TRIM5: variants seen among roughly 807,000 people sequenced by gnomAD.
The protein encoded by TRIM5 is tripartite motif-containing protein 5.
TRIM5 carries 31 observed loss-of-function variants against 35.6 expected under a neutral mutation model. The observed-to-expected ratio is 0.87, with a 90% CI of 0.65 to 1.18. The LOEUF is 1.18. TRIM5 is among the 50% of genes most tolerant of loss of function. TRIM5 has a pLI of 0.00. For synonymous variants in TRIM5, 243 were observed against 215.6 expected (o/e 1.13, Z -1.11); for missense variants, 609 against 591.6 (o/e 1.03, Z -0.31).
the TRIM5 span, among the ~76,000 whole-genome samples, chr11:5,652,903 G>A: frequency 1.3e-5 from 2 of 149,862 alleles, no homozygotes; most frequent in Admixed American, 6.7e-5. Context: ...CTAGGCTGGA[G>A]TGCAGTGGCG....
At chr11:5,609,309 A>T in the TRIM5 span, among the ~76,000 whole-genome samples, 6 of 152,238 alleles carry the variant, frequency 3.9e-5, no homozygotes, top group African/African-American at 1.2e-4. Flanking sequence ...GTGGCATAAC[A>T]TTCCCAGAGA....
the TRIM5 span, among the ~76,000 whole-genome samples, chr11:5,627,087 G>A: frequency 2.0e-5 from 3 of 152,040 alleles, no homozygotes; most frequent in South Asian, 6.2e-4. Flanking sequence ...AGTGAAGAAG[G>A]ACAGTGATGG....
chr11:5,665,958 G>C (rs757687253), intron 6 of TRIM5, 23 bp downstream of exon 6: 30 of 1,591,402 alleles, frequency 1.9e-5, no homozygotes, highest in Non-Finnish European at 2.5e-5. Flanking sequence ...CCATAACCCT[G>C]TTGTTGATCT....
chr11:5,593,582 G>A, the TRIM5 span, among the ~76,000 whole-genome samples: 1 of 152,010 alleles, frequency 6.6e-6, no homozygotes, highest in African/African-American at 2.4e-5. Context: ...CCCTTGTCAT[G>A]GTCCTGTTTG....
At chr11:5,617,959 C>T in the TRIM5 span, among the ~76,000 whole-genome samples, 1 of 142,112 alleles carries the variant, frequency 7.0e-6, no homozygotes, top group Non-Finnish European at 1.5e-5. Flanking sequence ...TCAGAGGCAA[C>T]ATTTTTATTC....
the TRIM5 span, chr11:5,641,140 G>T: frequency 6.2e-7 from 1 of 1,609,234 alleles, no homozygotes; most frequent in South Asian, 1.1e-5. Flanking sequence ...TATACACTTT[G>T]ACTCATGTTT....
At chr11:5,595,788 G>A in the TRIM5 span, among the ~76,000 whole-genome samples, 1 of 151,728 alleles carries the variant, frequency 6.6e-6, no homozygotes, top group Non-Finnish European at 1.5e-5. Context: ...CACCTCCCGG[G>A]TTCAAGCGAT....
At chr11:5,684,658 ATAGAG>A (rs1852875685) in intron 1 of TRIM5, among the ~76,000 whole-genome samples, 1 of 152,206 alleles carries the variant, frequency 6.6e-6, no homozygotes, top group Non-Finnish European at 1.5e-5. Flanking sequence ...ATTAAAAAGT[ATAGAG>A]TAGGGAGGGG....
chr11:5,610,043 G>T, the TRIM5 span: 20 of 1,210,290 alleles, frequency 1.7e-5, no homozygotes, highest in South Asian at 2.7e-4. Context: ...TATTCAGAAA[G>T]GAGGATTGGA....
At chr11:5,605,464 T>C in the TRIM5 span, 70 of 1,614,030 alleles carry the variant, frequency 4.3e-5, no homozygotes, top group Middle Eastern at 1.6e-4. Context: ...CTACGAATTA[T>C]AGAAGAGGCT....
chr11:5,646,546 C>A, the TRIM5 span, among the ~76,000 whole-genome samples: 12 of 152,292 alleles, frequency 7.9e-5, no homozygotes, highest in East Asian at 2.3e-3. Flanking sequence ...CATCTTTACA[C>A]GCTTGAAGCA....
chr11:5,678,727 C>G (rs1239500454), intron 3 of TRIM5, among the ~76,000 whole-genome samples: 1 of 152,162 alleles, frequency 6.6e-6, no homozygotes, highest in African/African-American at 2.4e-5. Flanking sequence ...CTTCTCAGCC[C>G]AAGCTCAAAC....
the TRIM5 span, chr11:5,655,783 A>T: frequency 4.0e-6 from 3 of 750,644 alleles, no homozygotes; most frequent in Non-Finnish European, 4.9e-6. Flanking sequence ...CATTTTAATT[A>T]ATTGTGTAAA....
chr11:5,593,074 T>C, the TRIM5 span, among the ~76,000 whole-genome samples: 1 of 152,086 alleles, frequency 6.6e-6, no homozygotes, highest in Admixed American at 6.6e-5. Flanking sequence ...AAAACAAAAT[T>C]GGTGGCTTGT....
chr11:5,642,404 A>G, the TRIM5 span: 2 of 1,612,212 alleles, frequency 1.2e-6, no homozygotes, highest in African/African-American at 1.3e-5. Context: ...TTTCATCCCT[A>G]GGAGTGAGAT....
At chr11:5,665,926 G>C in intron 6 of TRIM5, 55 bp downstream of exon 6, 1 of 1,514,516 alleles carries the variant, frequency 6.6e-7, no homozygotes, top group Non-Finnish European at 9.0e-7. Flanking sequence ...TCCCTATTTA[G>C]CACCCTAACA....
intron 4 of TRIM5, among the ~76,000 whole-genome samples, chr11:5,677,470 A>T (rs1014683090): frequency 6.6e-6 from 1 of 152,214 alleles, no homozygotes; most frequent in Non-Finnish European, 1.5e-5. Flanking sequence ...GCTGGAGAGG[A>T]TGTGGAGAAA....
chr11:5,619,688 A>ATTTTTTTTTTTT, the TRIM5 span: 7 of 66,028 alleles, frequency 1.1e-4, no homozygotes, highest in African/African-American at 3.6e-4. Flanking sequence ...CCTGTTTTAA[A>ATTTTTTTTTTTT]TTTTTTTTTT....
At chr11:5,589,316 G>A in the TRIM5 span, 2 of 151,860 alleles carry the variant, frequency 1.3e-5, no homozygotes, top group African/African-American at 4.8e-5. Context: ...TATCGTCTTT[G>A]AGGTTAATAT....
Sources: allele counts gnomAD v4.1 joint callset (sites outside exome capture counted in the v4.1 genomes callset), GRCh38; gene constraint gnomAD v4.1.1; transcripts MANE v1.5; gene names NCBI Gene and HGNC (gene_info 2026-07-23, HGNC 2026-07-21).